ANO2: variants seen among roughly 807,000 people sequenced by gnomAD.
ANO2 encodes the protein anoctamin-2.
A neutral mutation model predicts 124.2 loss-of-function variants in ANO2; 101 were observed. That is an observed-to-expected ratio of 0.81 (90% CI 0.69 to 0.96). The LOEUF is 0.96. Ranked by LOEUF, ANO2 falls within the 40% of genes least tolerant of loss-of-function variation. ANO2 has a pLI of 0.00. For missense variants in ANO2, 1,293 were observed against 1,274.5 expected (o/e 1.01, Z -0.22); for synonymous variants, 486 against 482.5 (o/e 1.01, Z -0.09).
At chr12:5,808,326 C>G (rs776084841) in intron 7 of ANO2, among the ~76,000 whole-genome samples, 1 of 152,196 alleles carries the variant, frequency 6.6e-6, no homozygotes, top group African/African-American at 2.4e-5. Context: ...CAACAGAGAA[C>G]CTTCTGCGCA....
chr12:5,810,820 T>A (rs1953363469), intron 7 of ANO2, among the ~76,000 whole-genome samples: 1 of 152,206 alleles, frequency 6.6e-6, no homozygotes, highest in Non-Finnish European at 1.5e-5. Flanking sequence ...CTGCCCAGCA[T>A]GGACCACACA....
chr12:5,699,711 C>T (rs940977917), intron 14 of ANO2, among the ~76,000 whole-genome samples: 1 of 152,134 alleles, frequency 6.6e-6, no homozygotes, highest in Admixed American at 6.5e-5. Flanking sequence ...CATGCAGAGA[C>T]ACACCTAGGC....
At chr12:5,746,034 G>A (rs1247852751) in intron 11 of ANO2, among the ~76,000 whole-genome samples, 2 of 152,180 alleles carry the variant, frequency 1.3e-5, no homozygotes, top group Admixed American at 6.5e-5. Context: ...TTTAAGTCAC[G>A]TCCAAGAACA....
rs1952070373 is a variant in ANO2, at chr12:5,771,225, G to T, written c.1056-20255C>A. The stretch of plus-strand genomic sequence containing the variant: ...TAAATCCTCATCAAAACCCCATAAG[G>T]TGGGTTATAAAGCCTATCCCTGTTC... On this transcript the variant is annotated intron_variant, in intron 10 of 24. Transcript: ENST00000682330. 2.0e-5 allele frequency among the ~76,000 whole-genome samples: 3 copies of T among 152,248 alleles called. No individual in the cohort carries two copies. The East Asian group carries it at 5.8e-4, about 29-fold the overall frequency.
intron 4 of ANO2, among the ~76,000 whole-genome samples, chr12:5,840,862 A>G (rs1476062998): frequency 1.3e-5 from 2 of 152,062 alleles, no homozygotes; most frequent in African/African-American, 4.8e-5. Context: ...CATAGTTATT[A>G]CTTATGGTAT....
chr12:5,635,896 T>C lies in ANO2; in HGVS notation c.1621-549A>G, dbSNP rs1435344998. ...AAAATGGAGTTTTCATGAGAAGAAA[T>C]AGAAAGCCATTGAAGGTACCTGAGC... On this transcript the variant is annotated intron_variant, in intron 15 of 24. Transcript: ENST00000682330. This position sits in a 1 kb window ranked among gnomAD's most constrained non-coding sequence, Gnocchi z 5.2. Among the ~76,000 whole-genome samples, 3 of 152,134 alleles carry C rather than the reference T, an allele frequency of 2.0e-5. No homozygotes were observed. The highest frequency in any genetic ancestry group is 3.4e-3 in the Middle Eastern group (1 of 294).
chr12:5,601,709 T>C (rs939304970), intron 19 of ANO2, among the ~76,000 whole-genome samples: 8 of 152,246 alleles, frequency 5.3e-5, no homozygotes, highest in African/African-American at 1.9e-4. Flanking sequence ...TATAAACATA[T>C]ATTTATCCAC....
chr12:5,835,729 G>A (rs953683442), intron 4 of ANO2, among the ~76,000 whole-genome samples: 1 of 152,218 alleles, frequency 6.6e-6, no homozygotes, highest in Non-Finnish European at 1.5e-5. Flanking sequence ...GAAAAGCAGT[G>A]TACAACTTAC....
intron 14 of ANO2, among the ~76,000 whole-genome samples, chr12:5,698,951 C>T (rs1181587952): frequency 6.6e-6 from 1 of 152,008 alleles, no homozygotes; most frequent in Non-Finnish European, 1.5e-5. Context: ...GTGAAAAGAC[C>T]AAATCTACAT....
At chr12:5,733,022 A>G (rs1008910970) in intron 13 of ANO2, 4 of 922,662 alleles carry the variant, frequency 4.3e-6, no homozygotes, top group East Asian at 2.6e-5. Context: ...TCAGACCTCA[A>G]ACTTTAACTT....
At chr12:5,748,104 G>C (rs1258869478) in intron 11 of ANO2, among the ~76,000 whole-genome samples, 1 of 151,826 alleles carries the variant, frequency 6.6e-6, no homozygotes, top group Non-Finnish European at 1.5e-5. Context: ...ACATCTGTGT[G>C]CGCGTGCATG....
intron 19 of ANO2, among the ~76,000 whole-genome samples, chr12:5,604,940 C>A (rs1354403024): frequency 6.6e-6 from 1 of 151,502 alleles, no homozygotes; most frequent in Non-Finnish European, 1.5e-5. Context: ...TTTTCCGTCC[C>A]TTTTTAATGA....
intron 14 of ANO2, among the ~76,000 whole-genome samples, chr12:5,697,764 C>A (rs944358117): frequency 6.6e-6 from 1 of 152,218 alleles, no homozygotes; most frequent in Non-Finnish European, 1.5e-5. Flanking sequence ...CCTAATACTG[C>A]GCTTTATCCA....
intron 2 of ANO2, 88 bp from the exon 3 acceptor site, chr12:5,921,454 G>A: frequency 1.5e-6 from 2 of 1,342,962 alleles, no homozygotes; most frequent in Non-Finnish European, 2.0e-6. Context: ...TGGGCTCAGG[G>A]AAACGGACTC....
At chr12:5,654,255 A>G (rs1947054957) in intron 14 of ANO2, among the ~76,000 whole-genome samples, 1 of 152,176 alleles carries the variant, frequency 6.6e-6, no homozygotes, top group African/African-American at 2.4e-5. Flanking sequence ...TCCAGGCAAC[A>G]CCAGAACAGG....
intron 15 of ANO2, among the ~76,000 whole-genome samples, chr12:5,645,741 T>G (rs1946607369): frequency 6.6e-6 from 1 of 152,230 alleles, no homozygotes; most frequent in South Asian, 2.1e-4. Context: ...GACTGTGTTC[T>G]CTTTATTGCC....
At position 5,827,840 on chromosome 12, in the gene ANO2, G is replaced by A; in HGVS notation, c.841-20C>T. On this transcript the variant is annotated intron_variant, in intron 6 of 24. Transcript: ENST00000682330. ...GTGCACCTAAAAGGGGACGACAGCA[G>A]AGCTGTGAGCTCCTAGTTCCCCCCC... is the stretch of plus-strand genomic sequence containing the variant. 3 of 1,604,766 alleles carry A rather than the reference G, an allele frequency of 1.9e-6. No individual in the cohort carries two copies. The highest frequency in any genetic ancestry group is 1.3e-5 in the African/African-American group (1 of 74,906).
chr12:5,635,986 GA>G lies in ANO2; in HGVS notation c.1621-640del, dbSNP rs1945994026. 6.6e-6 allele frequency among the ~76,000 whole-genome samples: 1 copy of G among 152,106 alleles called. No individual in the cohort carries two copies. The highest frequency in any genetic ancestry group is 2.4e-5 in the African/African-American group (1 of 41,402). ...AAGGTTGCTCAAAGGAGAAAAGAGG[GA>G]ATACATCAGGAGTGAGATTTTAGGA... On this transcript the variant is annotated intron_variant, in intron 15 of 24. Coordinates refer to ENST00000682330, the MANE Select transcript of ANO2 (RefSeq NM_001364791.2). The surrounding 1 kb of genome is among the most constrained non-coding windows in gnomAD (Gnocchi z 5.2).
chr12:5,733,219 G>A (rs546110532), intron 13 of ANO2: 42 of 400,558 alleles, frequency 1.0e-4, no homozygotes, highest in Middle Eastern at 7.8e-4. Flanking sequence ...GTGCAGCCTC[G>A]GTGAGTAACT....
Sources: gnomAD v4.1 joint callset for allele counts (sites outside exome capture counted in the v4.1 genomes callset) on GRCh38, gnomAD v4.1.1 for gene constraint, Gnocchi (gnomAD v3.1) non-coding constraint, MANE v1.5 for transcripts, NCBI Gene and HGNC (gene_info 2026-07-23, HGNC 2026-07-21) for gene names.